PRKN: variants seen among roughly 807,000 people sequenced by gnomAD.
PRKN encodes E3 ubiquitin-protein ligase parkin.
PRKN carries 56 observed loss-of-function variants against 59.5 expected under a neutral mutation model. The observed-to-expected ratio is 0.94, with a 90% CI of 0.76 to 1.18. The LOEUF is 1.18. PRKN is among the 50% of genes most tolerant of loss of function. The pLI, the probability that PRKN is intolerant of heterozygous loss-of-function variation, is 0.00. For missense variants in PRKN, 657 were observed against 596.4 expected, an observed-to-expected ratio of 1.10 and a Z score of -1.06; for synonymous variants, 250 against 222.1, an observed-to-expected ratio of 1.13 and a Z score of -1.12.
At chr6:162,287,443 C>A (rs1381803586) in intron 2 of PRKN, among the ~76,000 whole-genome samples, 1 of 152,084 alleles carries the variant, frequency 6.6e-6, no homozygotes, top group Non-Finnish European at 1.5e-5. Context: ...TGGCACATGC[C>A]TGTGGCCCCA....
At chr6:161,567,058 T>A (rs1166066017) in intron 8 of PRKN, among the ~76,000 whole-genome samples, 39 of 137,552 alleles carry the variant, frequency 2.8e-4, no homozygotes, top group Admixed American at 9.7e-4. Flanking sequence ...TGTGTGTGTG[T>A]GAGAGAGGGT....
chr6:162,482,323 T>C (rs1352937651), intron 1 of PRKN, among the ~76,000 whole-genome samples: 1 of 152,184 alleles, frequency 6.6e-6, no homozygotes, highest in Non-Finnish European at 1.5e-5. Flanking sequence ...CTTTGTGCAG[T>C]ATTCCAACCA....
intron 8 of PRKN, among the ~76,000 whole-genome samples, chr6:161,556,850 T>C (rs1780257820): frequency 6.6e-6 from 1 of 152,186 alleles, no homozygotes; most frequent in Non-Finnish European, 1.5e-5. Context: ...CACTCATGCA[T>C]GTTTTGTCTA....
At chr6:162,384,102 A>C (rs1786648883) in intron 2 of PRKN, among the ~76,000 whole-genome samples, 1 of 152,216 alleles carries the variant, frequency 6.6e-6, no homozygotes, top group Non-Finnish European at 1.5e-5. Context: ...AGACTGTCTC[A>C]CATTCATATT....
intron 2 of PRKN, among the ~76,000 whole-genome samples, chr6:162,367,718 G>A (rs1785526016): frequency 1.3e-5 from 2 of 152,078 alleles, no homozygotes; most frequent in Non-Finnish European, 2.9e-5. Flanking sequence ...TACTTCTTAA[G>A]AGTGCACTGA....
intron 5 of PRKN, among the ~76,000 whole-genome samples, chr6:162,029,799 A>G (rs1308442126): frequency 6.6e-6 from 1 of 152,224 alleles, no homozygotes; most frequent in African/African-American, 2.4e-5. Flanking sequence ...ATATAAAAAC[A>G]CATTAATTAT....
intron 7 of PRKN, among the ~76,000 whole-genome samples, chr6:161,738,363 C>T (rs1788050990): frequency 6.6e-6 from 1 of 152,158 alleles, no homozygotes. Flanking sequence ...TTAAAATCTT[C>T]CATTCTGCCC....
rs139835714 is a variant in PRKN at position 162,648,788 on chromosome 6, T to C, written c.7+78874A>G. Among the ~76,000 whole-genome samples, 770 of 152,358 alleles carry C rather than the reference T, an allele frequency of 5.1e-3. 8 individuals are homozygous for C. The highest frequency in any genetic ancestry group is 9.4e-3 in the Non-Finnish European group (641 of 68,032). ...CACAAACATACAGCCTTATATGTTA[T>C]GTGTTAACTTAGCTGGGCTCTGGTG... On this transcript the variant is annotated intron_variant, in intron 1 of 11. Coordinates refer to ENST00000366898, the MANE Select transcript of PRKN (RefSeq NM_004562.3).
At position 161,814,887 on chromosome 6, in the gene PRKN, T is replaced by C. The variant is rs569572933; in HGVS notation, c.735-28979A>G. ...GCATGGGAAAGACCCGCCCCCATGA[T>C]TCAATTACCTCCCACAGGGTCCCTC... On this transcript the variant is annotated intron_variant, in intron 6 of 11. Coordinates refer to ENST00000366898, the MANE Select transcript of PRKN (RefSeq NM_004562.3). 8.5e-5 allele frequency among the ~76,000 whole-genome samples: 13 copies of C among 152,264 alleles called. No individual in the cohort carries two copies. In the South Asian group the frequency reaches 2.7e-3, roughly 32 times the overall value.
rs973370556 is a variant in PRKN, at chr6:161,529,804, T to C, written c.1083+19050A>G. ...TTTTCATGGGTTACACATTCTTTCA[T>C]ATATTTCTCACATTTGAGAAGTGGA... On this transcript the variant is annotated intron_variant, in intron 9 of 11. Coordinates refer to ENST00000366898, the MANE Select transcript of PRKN (RefSeq NM_004562.3). The surrounding 1 kb of genome is among the most constrained non-coding windows in gnomAD (Gnocchi z 4.4). Among the ~76,000 whole-genome samples, 14 of 152,222 alleles carry C rather than the reference T, an allele frequency of 9.2e-5. No homozygotes were observed. The highest frequency in any genetic ancestry group is 1.2e-4 in the African/African-American group (5 of 41,460).
At chr6:161,515,315 C>T (rs539350668) in intron 9 of PRKN, among the ~76,000 whole-genome samples, 12 of 152,196 alleles carry the variant, frequency 7.9e-5, no homozygotes, top group African/African-American at 2.4e-4. Context: ...ATAATAACAC[C>T]GTATTAACCT....
chr6:161,452,258 A>C (rs1003809467), intron 9 of PRKN, among the ~76,000 whole-genome samples: 2 of 151,990 alleles, frequency 1.3e-5, no homozygotes, highest in Non-Finnish European at 2.9e-5. Flanking sequence ...GCCTTAACAC[A>C]CTCTTAAGTA....
intron 1 of PRKN, among the ~76,000 whole-genome samples, chr6:162,526,693 T>C (rs566254047): frequency 2.0e-5 from 3 of 151,082 alleles, no homozygotes; most frequent in East Asian, 1.9e-4. Context: ...GTCCAGCCCA[T>C]AGCCTGGTAG....
intron 1 of PRKN, among the ~76,000 whole-genome samples, chr6:162,513,098 A>G (rs1419498568): frequency 6.6e-6 from 1 of 152,214 alleles, no homozygotes; most frequent in African/African-American, 2.4e-5. Context: ...TTATACCTGA[A>G]GCAGTTATTA....
intron 9 of PRKN, among the ~76,000 whole-genome samples, chr6:161,516,687 C>T (rs564295041): frequency 6.6e-6 from 1 of 150,458 alleles, no homozygotes; most frequent in East Asian, 2.0e-4. Context: ...ACTAGCCAGG[C>T]ATGGTGTCGC....
At chr6:162,328,833 C>T (rs1051856737) in intron 2 of PRKN, among the ~76,000 whole-genome samples, 1 of 152,110 alleles carries the variant, frequency 6.6e-6, no homozygotes, top group African/African-American at 2.4e-5. Flanking sequence ...TGGTCATGCC[C>T]GGTTCCTGGG....
intron 3 of PRKN, 103 bp from the exon 4 acceptor site, chr6:162,201,355 TC>T (rs1784724119): frequency 3.9e-6 from 4 of 1,035,416 alleles, no homozygotes; most frequent in Admixed American, 3.5e-5. Context: ...AACTCAGTCT[TC>T]AGGAACATTT....
intron 7 of PRKN, among the ~76,000 whole-genome samples, chr6:161,769,158 A>T (rs1298782769): frequency 2.6e-5 from 4 of 152,160 alleles, no homozygotes; most frequent in Non-Finnish European, 4.4e-5. Flanking sequence ...AGAAAATAAG[A>T]TTTTTACTTT....
chr6:162,510,596 T>C (rs1777560536), intron 1 of PRKN, among the ~76,000 whole-genome samples: 1 of 152,154 alleles, frequency 6.6e-6, no homozygotes, highest in Non-Finnish European at 1.5e-5. Context: ...CCCTTTTCAA[T>C]GCAAAGTACT....
Sources: gnomAD v4.1 joint callset for allele counts (sites outside exome capture counted in the v4.1 genomes callset) on GRCh38, gnomAD v4.1.1 for gene constraint, Gnocchi (gnomAD v3.1) non-coding constraint, MANE v1.5 for transcripts, NCBI Gene and HGNC (gene_info 2026-07-23, HGNC 2026-07-21) for gene names.